The following PTK2B variants were observed in gnomAD, a reference collection of about 807,000 sequenced individuals.
The protein encoded by PTK2B is protein tyrosine kinase 2 beta.
Under a neutral mutation model 142.9 loss-of-function variants are expected in PTK2B, and 71 were observed. The ratio of observed to expected loss-of-function variants is 0.50; its 90% CI spans 0.41 to 0.61. The LOEUF is 0.61. Ranked by LOEUF, PTK2B falls within the 20% of genes least tolerant of loss-of-function variation. The pLI, the probability that PTK2B is intolerant of heterozygous loss-of-function variation, is 0.00. For missense variants in PTK2B, 1,105 were observed against 1,320.4 expected, an observed-to-expected ratio of 0.84 and a Z score of 2.53; for synonymous variants, 519 against 503.4, an observed-to-expected ratio of 1.03 and a Z score of -0.42.
intron 30 of PTK2B, among the ~76,000 whole-genome samples, 166 bp from the exon 31 acceptor site, chr8:27,458,128 C>T (rs892417305): frequency 2.6e-5 from 4 of 152,130 alleles, no homozygotes; most frequent in Admixed American, 6.5e-5. Flanking sequence ...AGACCTGACT[C>T]GACCCTGCAC....
intron 1 of PTK2B, among the ~76,000 whole-genome samples, chr8:27,346,764 C>G (rs1586128377): frequency 6.6e-6 from 1 of 152,208 alleles, no homozygotes; most frequent in Admixed American, 6.5e-5. Flanking sequence ...TCCTTGAGCA[C>G]CTGTTGGGAA....
intron 2 of PTK2B, among the ~76,000 whole-genome samples, chr8:27,404,453 A>T (rs1320280620): frequency 2.0e-5 from 3 of 152,156 alleles, no homozygotes; most frequent in Non-Finnish European, 2.9e-5. Flanking sequence ...CAGAATTCAC[A>T]TTCACATCCT....
At chr8:27,330,766 C>T (rs1803698388) in intron 1 of PTK2B, among the ~76,000 whole-genome samples, 2 of 152,204 alleles carry the variant, frequency 1.3e-5, no homozygotes, top group Admixed American at 6.5e-5. Flanking sequence ...CCAGATGCAG[C>T]GGGCAGGTTG....
chr8:27,326,106 C>T (rs1361836122), intron 1 of PTK2B, among the ~76,000 whole-genome samples: 1 of 152,142 alleles, frequency 6.6e-6, no homozygotes, highest in Admixed American at 6.5e-5. Flanking sequence ...GTTATAGTCT[C>T]ACCCCCAGCC....
intron 2 of PTK2B, among the ~76,000 whole-genome samples, chr8:27,398,391 A>T (rs1808192119): frequency 6.6e-6 from 1 of 152,252 alleles, no homozygotes; most frequent in African/African-American, 2.4e-5. Context: ...GCACCTGGAC[A>T]CCAGGATGCC....
rs778490418 is a variant in PTK2B at position 27,437,846 on chromosome 8, A to G, written c.1609A>G (p.Met537Val). The change falls in exon 18 of 31, where the codon ATG (methionine) becomes GTG (valine). Residue 537 changes from methionine (M) to valine (V), a missense_variant. Transcript: ENST00000346049. ...GTACTCACTGCAGATATGCAAAGCCATGGCCTACCTGGAGAGCATCAACTG... is the reference window on the plus strand; with the variant it reads ...GTACTCACTGCAGATATGCAAAGCCGTGGCCTACCTGGAGAGCATCAACTG... ...VLYSLQICKA[M>V]AYLESINCVH... 2 of 1,613,376 alleles carry G rather than the reference A, an allele frequency of 1.2e-6. No homozygotes were observed. The highest frequency in any genetic ancestry group is 1.1e-5 in the South Asian group (1 of 90,724).
chr8:27,319,899 C>G (rs1803173801), intron 3 of PTK2B, among the ~76,000 whole-genome samples: 1 of 152,158 alleles, frequency 6.6e-6, no homozygotes, highest in Non-Finnish European at 1.5e-5. Context: ...TCTCTGTACT[C>G]TTCTGTACCA....
intron 1 of PTK2B, among the ~76,000 whole-genome samples, chr8:27,355,480 A>G (rs968381171): frequency 6.6e-6 from 1 of 152,172 alleles, no homozygotes; most frequent in East Asian, 1.9e-4. Flanking sequence ...AAAGAAGTCA[A>G]CCCTGCTGGC....
chr8:27,383,519 A>C (rs1303803033), intron 1 of PTK2B, among the ~76,000 whole-genome samples: 1 of 152,040 alleles, frequency 6.6e-6, no homozygotes, highest in Non-Finnish European at 1.5e-5. Flanking sequence ...TTGACCTCCC[A>C]AAGTGCTGGG....
chr8:27,403,766 GCTGCTC>G (rs879042173), intron 2 of PTK2B, among the ~76,000 whole-genome samples: 19 of 150,980 alleles, frequency 1.3e-4, no homozygotes, highest in Middle Eastern at 3.4e-3. Context: ...TGCTGCTGCT[GCTGCTC>G]CTCCTCCTCC....
chr8:27,419,846 G>C (rs750236507), intron 2 of PTK2B, 49 bp from the exon 3 acceptor site: 4 of 1,596,538 alleles, frequency 2.5e-6, no homozygotes. Flanking sequence ...AATTATGGGA[G>C]CCCAAAGGTG....
At chr8:27,457,145 A>G (rs916837459) in intron 30 of PTK2B, among the ~76,000 whole-genome samples, 3 of 152,246 alleles carry the variant, frequency 2.0e-5, no homozygotes, top group South Asian at 4.1e-4. Context: ...AGCAGATGCC[A>G]TCTAGGACTT....
intron 2 of PTK2B, among the ~76,000 whole-genome samples, chr8:27,414,870 C>T (rs1197800051): frequency 6.8e-6 from 1 of 147,660 alleles, no homozygotes; most frequent in Non-Finnish European, 1.5e-5. Context: ...CTAATCACTC[C>T]AACCATCTCT....
In PTK2B at chr8:27,420,644, T is replaced by G; in HGVS notation, c.384-13T>G. ...TTCTCTGTGTCAACCAGAGCCTGAA[T>G]GTCTTGTTGCAGGTATGACCTTCAA... On this transcript the variant is annotated splice_polypyrimidine_tract_variant and intron_variant, in intron 3 of 30. Coordinates refer to ENST00000346049, the MANE Select transcript of PTK2B (RefSeq NM_173176.3). 6.2e-7 allele frequency: 1 copy of G among 1,611,512 alleles called. No homozygotes were observed. Among genetic ancestry groups the G allele is most frequent in the Non-Finnish European group, 8.5e-7 (1 of 1,177,592 alleles).
chr8:27,437,966 G>A, intron 18 of PTK2B, 86 bp downstream of exon 18: 1 of 1,177,034 alleles, frequency 8.5e-7, no homozygotes, highest in East Asian at 2.5e-5. Context: ...GGGCTTGTGG[G>A]TGACACAGAG....
At chr8:27,314,310 G>T (rs1165041545) in intron 3 of PTK2B, among the ~76,000 whole-genome samples, 3 of 152,230 alleles carry the variant, frequency 2.0e-5, no homozygotes, top group African/African-American at 7.2e-5. Flanking sequence ...ATCGGGCCAG[G>T]TGCCAGTGGT....
intron 1 of PTK2B, among the ~76,000 whole-genome samples, chr8:27,345,962 A>G (rs988013984): frequency 6.6e-6 from 1 of 152,152 alleles, no homozygotes; most frequent in Non-Finnish European, 1.5e-5. Context: ...TGTCTGAGAC[A>G]CCAGACCAAA....
Position 27,425,101 on chromosome 8 carries a change from A to G in PTK2B, c.551+2718A>G, listed in dbSNP as rs184716325. ...AAAACACGTTATGTTTCTATATAAC[A>G]TTTGTTATACTATATAACATATATC... On this transcript the variant is annotated intron_variant, in intron 5 of 30. Transcript: ENST00000346049. Among the ~76,000 whole-genome samples the G allele has an allele frequency of 7.0e-4, 106 of 152,030 alleles. No individual in the cohort carries two copies. The East Asian group carries it at 0.018, about 26-fold the overall frequency.
intron 2 of PTK2B, among the ~76,000 whole-genome samples, chr8:27,402,269 T>C (rs1378871755): frequency 2.0e-5 from 3 of 152,000 alleles, no homozygotes; most frequent in Admixed American, 1.3e-4. Flanking sequence ...ATGGCAGCCC[T>C]GGTCTGGGTG....
Sources: gnomAD v4.1 joint callset for allele counts (sites outside exome capture counted in the v4.1 genomes callset) on GRCh38, gnomAD v4.1.1 for gene constraint, MANE v1.5 for transcripts, NCBI Gene and HGNC (gene_info 2026-07-23, HGNC 2026-07-21) for gene names.